Variants in JAM2 observed in about 807,000 individuals in gnomAD.
The protein encoded by JAM2 is junctional adhesion molecule B.
In JAM2, 17 loss-of-function variants were observed where a neutral mutation model predicts 42.0. That is an observed-to-expected ratio of 0.40 (90% CI 0.28 to 0.61). JAM2 has a LOEUF of 0.61. JAM2 is among the 20% of genes least tolerant of loss of function. The pLI is 0.37. For synonymous variants in JAM2, 118 were observed against 128.6 expected, an observed-to-expected ratio of 0.92 and a Z score of 0.56; for missense variants, 319 against 358.3, an observed-to-expected ratio of 0.89 and a Z score of 0.89.
At chr21:25,699,167 C>A (rs760466108) in intron 5 of JAM2, among the ~76,000 whole-genome samples, 3 of 152,182 alleles carry the variant, frequency 2.0e-5, no homozygotes, top group Non-Finnish European at 4.4e-5. Context: ...GTGTGTTTAT[C>A]TTTTCAGAAT....
intron 9 of JAM2, among the ~76,000 whole-genome samples, chr21:25,713,118 C>T (rs1055086271): frequency 1.3e-5 from 2 of 152,134 alleles, no homozygotes; most frequent in African/African-American, 2.4e-5. Context: ...CCCTCATCAC[C>T]TAATCACCTC....
At chr21:25,688,864 G>A (rs1457415152) in intron 2 of JAM2, among the ~76,000 whole-genome samples, 1 of 152,088 alleles carries the variant, frequency 6.6e-6, no homozygotes, top group East Asian at 1.9e-4. Context: ...GCTTTTTTAG[G>A]TCAAACCATA....
At chr21:25,678,151 A>G (rs2033543496) in intron 1 of JAM2, among the ~76,000 whole-genome samples, 1 of 152,138 alleles carries the variant, frequency 6.6e-6, no homozygotes, top group Admixed American at 6.5e-5. Flanking sequence ...ATTTGAACTC[A>G]GGAGGTGGAG....
At chr21:25,640,001 C>T (rs2032384979) in intron 1 of JAM2, 113 bp downstream of exon 1, 4 of 686,776 alleles carry the variant, frequency 5.8e-6, no homozygotes, top group Non-Finnish European at 9.1e-6. Flanking sequence ...CCGAGGTCGC[C>T]GCGGGGCGTC....
At chr21:25,662,345 T>C (rs2033110711) in intron 1 of JAM2, among the ~76,000 whole-genome samples, 1 of 151,948 alleles carries the variant, frequency 6.6e-6, no homozygotes, top group South Asian at 2.1e-4. Flanking sequence ...AGACAGGGTC[T>C]TGCTATGTTG....
chr21:25,670,492 T>TA (rs1013899229), intron 1 of JAM2, among the ~76,000 whole-genome samples: 67 of 144,402 alleles, frequency 4.6e-4, no homozygotes, highest in East Asian at 1.8e-3. Flanking sequence ...TGTCAAAATT[T>TA]AAAAAAAAAA....
At chr21:25,696,672 G>T (rs1193244290) in intron 4 of JAM2, among the ~76,000 whole-genome samples, 1 of 152,096 alleles carries the variant, frequency 6.6e-6, no homozygotes, top group African/African-American at 2.4e-5. Flanking sequence ...TCATCCACAG[G>T]CTACGAGGAA....
rs2123417280 is a variant in JAM2, at chr21:25,709,418, A to G, written c.806-16A>G. 7.4e-7 allele frequency: 1 copy of G among 1,358,206 alleles called. No individual in the cohort carries two copies. The highest frequency in any genetic ancestry group is 2.3e-5 in the East Asian group (1 of 43,344). 84.1% of individuals were successfully genotyped at this position (1,358,206 alleles called of 1,614,324 possible). A position where few individuals can be genotyped will look rare whatever the true frequency, so the allele number is the denominator to read the frequency against. On this transcript the variant is annotated splice_polypyrimidine_tract_variant and intron_variant, in intron 7 of 9. Transcript: ENST00000480456. ...AATAACCCTTGCATTAATGATATAT[A>G]CTTTTTCTTTTGTAGAAGAAACCTC...
At position 25,692,006 on chromosome 21, in the gene JAM2, C is replaced by CAAA. The variant is rs71327958; in HGVS notation, c.242-1736_242-1734dup. On this transcript the variant is annotated intron_variant, in intron 3 of 9. Coordinates refer to ENST00000480456, the MANE Select transcript of JAM2 (RefSeq NM_021219.4). Reference sequence around the variant, plus strand: ...CCTGGGCAACAGAGCAAGACTGTCTCAAAAAAAAAAAAAAAATTTACATAC... The same window carrying CAAA: ...CCTGGGCAACAGAGCAAGACTGTCTCAAAAAAAAAAAAAAAAAAATTTACATAC... 3.6e-3 allele frequency among the ~76,000 whole-genome samples: 501 copies of CAAA among 140,576 alleles called. 2 individuals are homozygous for CAAA. The highest frequency in any genetic ancestry group is 5.8e-3 in the Non-Finnish European group (378 of 64,702). The allele number at this position is 140,576 out of a possible 152,430, so 92.2% of individuals were successfully genotyped here. A position where few individuals can be genotyped will look rare whatever the true frequency, so the allele number is the denominator to read the frequency against.
At chr21:25,673,922 T>C (rs1035129494) in intron 1 of JAM2, among the ~76,000 whole-genome samples, 1 of 152,202 alleles carries the variant, frequency 6.6e-6, no homozygotes, top group African/African-American at 2.4e-5. Flanking sequence ...ACTGTTTTCA[T>C]TGTAGTGAAT....
intron 7 of JAM2, among the ~76,000 whole-genome samples, chr21:25,706,656 ATCC>A (rs1284496238): frequency 1.3e-5 from 2 of 152,274 alleles, no homozygotes. Context: ...TGCAAGAGGC[ATCC>A]TTGGAGTGGT....
intron 1 of JAM2, among the ~76,000 whole-genome samples, 193 bp from the exon 2 acceptor site, chr21:25,683,690 T>G (rs1193047253): frequency 6.6e-6 from 1 of 152,208 alleles, no homozygotes; most frequent in Non-Finnish European, 1.5e-5. Context: ...AGGCCAAAGC[T>G]ACAATCTAGA....
intron 1 of JAM2, among the ~76,000 whole-genome samples, chr21:25,660,951 C>T (rs531999197): frequency 2.0e-5 from 3 of 150,538 alleles, no homozygotes; most frequent in South Asian, 2.1e-4. Flanking sequence ...CTTGCCACCA[C>T]GCCCAGCTAA....
chr21:25,683,790 T>C, intron 1 of JAM2, 93 bp from the exon 2 acceptor site: 1 of 866,310 alleles, frequency 1.2e-6, no homozygotes. Context: ...CACCAAACTT[T>C]AGGACAGTTT....
rs1601067969 is a variant in JAM2, at chr21:25,709,449, A to G, written c.821A>G (p.Gln274Arg). Residue 274 changes from glutamine to arginine, a missense_variant and splice_region_variant, in exon 8 of 10, where the codon CAG becomes CGG. By Grantham distance (43) the Gln-to-Arg change is conservative. Coordinates refer to ENST00000480456, the MANE Select transcript of JAM2 (RefSeq NM_021219.4). ...KGYFSKETSF[Q>R]KSNSSSKATT... ...TCTTTTGTAGAAGAAACCTCCTTCC[A>G]GTAAGTATACTTTCCTACAATGCAT... 1 of 1,442,554 alleles carries G rather than the reference A, an allele frequency of 6.9e-7. No homozygotes were observed. The highest frequency in any genetic ancestry group is 9.6e-7 in the Non-Finnish European group (1 of 1,040,810). 89.4% of individuals were successfully genotyped at this position (1,442,554 alleles called of 1,614,324 possible). A position where few individuals can be genotyped will look rare whatever the true frequency, so the allele number is the denominator to read the frequency against.
chr21:25,641,769 C>A (rs2032451377), intron 1 of JAM2, among the ~76,000 whole-genome samples: 1 of 152,132 alleles, frequency 6.6e-6, no homozygotes, highest in African/African-American at 2.4e-5. Flanking sequence ...AATGCCTTTT[C>A]TATTCCAGGA....
At chr21:25,656,097 C>G (rs867389305) in intron 1 of JAM2, among the ~76,000 whole-genome samples, 1 of 151,594 alleles carries the variant, frequency 6.6e-6, no homozygotes, top group African/African-American at 2.4e-5. Context: ...TTGAAAGGGA[C>G]TTTAATATTT....
rs191231467 is a variant in JAM2, at chr21:25,706,960, A to C, written c.805+874A>C. On this transcript the variant is annotated intron_variant, in intron 7 of 9. Coordinates refer to ENST00000480456, the MANE Select transcript of JAM2 (RefSeq NM_021219.4). ...TCATCGTGTTAGCCGGGATGGTCTC[A>C]ATCTCCTGACCTCCTGATCCACCCA... 1.9e-3 allele frequency among the ~76,000 whole-genome samples: 283 copies of C among 151,990 alleles called. 1 individual carries two copies. The highest frequency in any genetic ancestry group is 3.4e-3 in the Non-Finnish European group (229 of 67,964).
intron 1 of JAM2, among the ~76,000 whole-genome samples, chr21:25,646,664 C>T (rs952979021): frequency 1.3e-5 from 2 of 152,060 alleles, no homozygotes; most frequent in Non-Finnish European, 2.9e-5. Context: ...ACACAAAACC[C>T]TACTCTATGA....
Sources: gnomAD v4.1 joint callset for allele counts (sites outside exome capture counted in the v4.1 genomes callset) on GRCh38, gnomAD v4.1.1 for gene constraint, MANE v1.5 for transcripts, NCBI Gene and HGNC (gene_info 2026-07-23, HGNC 2026-07-21) for gene names.